Variants in ATPSCKMT observed in about 807,000 individuals in gnomAD.
The protein encoded by ATPSCKMT is ATP synthase subunit C lysine N-methyltransferase.
Under a neutral mutation model 24.3 loss-of-function variants are expected in ATPSCKMT, and 24 were observed. The ratio of observed to expected loss-of-function variants is 0.99; its 90% CI spans 0.71 to 1.39. The LOEUF is 1.39. Among genes scored for constraint, ATPSCKMT ranks in the 40% most tolerant of loss-of-function variants. The probability of loss-of-function intolerance (pLI) is 0.00; values close to 1 mark genes in which losing one functional copy is unlikely to be tolerated. For missense variants in ATPSCKMT, 311 were observed against 298.4 expected, an observed-to-expected ratio of 1.04 and a Z score of -0.31; for synonymous variants, 95 against 110.5, an observed-to-expected ratio of 0.86 and a Z score of 0.88.
At chr5:10,238,843 G>C (rs1744493112) in intron 2 of ATPSCKMT, among the ~76,000 whole-genome samples, 1 of 151,996 alleles carries the variant, frequency 6.6e-6, no homozygotes, top group Non-Finnish European at 1.5e-5. Context: ...TTTTTCACCT[G>C]GCATGTTTAC....
chr5:10,238,339 T>G (rs1443969577), intron 2 of ATPSCKMT, among the ~76,000 whole-genome samples: 1 of 152,234 alleles, frequency 6.6e-6, no homozygotes, highest in Non-Finnish European at 1.5e-5. Context: ...CTCGTGATTA[T>G]TCTAGCTCAG....
At chr5:10,245,336 C>T (rs771501320) in intron 1 of ATPSCKMT, among the ~76,000 whole-genome samples, 3 of 152,148 alleles carry the variant, frequency 2.0e-5, no homozygotes, top group Non-Finnish European at 4.4e-5. Context: ...AGGAGAATGG[C>T]GTGAACCTGG....
At chr5:10,229,440 CA>C (rs1579418108) in intron 4 of ATPSCKMT, among the ~76,000 whole-genome samples, 1 of 152,208 alleles carries the variant, frequency 6.6e-6, no homozygotes, top group East Asian at 1.9e-4. Context: ...CACAGACACC[CA>C]GGAGGCCCTT....
intron 4 of ATPSCKMT, among the ~76,000 whole-genome samples, chr5:10,233,539 A>C (rs1238869097): frequency 6.6e-6 from 1 of 151,840 alleles, no homozygotes; most frequent in Non-Finnish European, 1.5e-5. Flanking sequence ...TAATCACAAA[A>C]GTATTCATAA....
At chr5:10,235,167 A>T (rs1348722729) in intron 4 of ATPSCKMT, 44 bp downstream of exon 4, 2 of 1,601,986 alleles carry the variant, frequency 1.2e-6, no homozygotes, top group East Asian at 4.5e-5. Context: ...AGGGCCTTCA[A>T]CATCATCTAA....
At chr5:10,242,646 T>C (rs1402381231) in intron 1 of ATPSCKMT, among the ~76,000 whole-genome samples, 2 of 152,244 alleles carry the variant, frequency 1.3e-5, no homozygotes, top group Non-Finnish European at 2.9e-5. Context: ...GTGAATCCTT[T>C]CCTGAAGGTT....
At chr5:10,242,494 C>T (rs189580886) in intron 1 of ATPSCKMT, among the ~76,000 whole-genome samples, 3 of 152,304 alleles carry the variant, frequency 2.0e-5, no homozygotes, top group East Asian at 1.9e-4. Context: ...TTGCTATTTC[C>T]ACCACATCTG....
At chr5:10,231,880 C>T (rs761037105) in intron 4 of ATPSCKMT, among the ~76,000 whole-genome samples, 2 of 152,200 alleles carry the variant, frequency 1.3e-5, no homozygotes, top group African/African-American at 2.4e-5. Context: ...TTTTTCTTCA[C>T]TAGAACATAA....
chr5:10,245,271 T>G (rs919120371), intron 1 of ATPSCKMT, among the ~76,000 whole-genome samples: 1 of 151,506 alleles, frequency 6.6e-6, no homozygotes, highest in Admixed American at 6.6e-5. Context: ...ATCAAAAAAA[T>G]TAGCCGGGCA....
chr5:10,245,684 T>C (rs550811180), intron 1 of ATPSCKMT, among the ~76,000 whole-genome samples: 1 of 148,640 alleles, frequency 6.7e-6, no homozygotes, highest in Non-Finnish European at 1.5e-5. Flanking sequence ...CAAGTGGAGG[T>C]TGCAGTGAGC....
chr5:10,228,247 G>A (rs958751717), intron 4 of ATPSCKMT, among the ~76,000 whole-genome samples: 1 of 151,926 alleles, frequency 6.6e-6, no homozygotes, highest in Non-Finnish European at 1.5e-5. Flanking sequence ...CAATAGCAAT[G>A]GTGCATCCTA....
chr5:10,232,728 T>A (rs1744206285), intron 4 of ATPSCKMT, among the ~76,000 whole-genome samples: 1 of 152,032 alleles, frequency 6.6e-6, no homozygotes, highest in Non-Finnish European at 1.5e-5. Flanking sequence ...GGAGGGCTGG[T>A]GCAGAGAGCT....
chr5:10,238,805 C>A (rs1470300648), intron 2 of ATPSCKMT, among the ~76,000 whole-genome samples: 1 of 152,178 alleles, frequency 6.6e-6, no homozygotes, highest in Non-Finnish European at 1.5e-5. Context: ...TTTTAAGAGA[C>A]AATTTGATAA....
Position 10,239,354 on chromosome 5 carries a change from T to C in ATPSCKMT, c.19A>G (p.Ile7Val). MEGGGGIPLETLKEESQ... is the reference protein window; with the variant it reads MEGGGGVPLETLKEESQ... ...TCTTCTTTAAGTGTTTCTAGGGGTA[T>C]ACCTAGATTGAAAGCAAGCAGAAGA... The change falls in exon 2 of 5, where the codon ATA becomes GTA. Residue 7 changes from isoleucine to valine, a missense_variant and splice_region_variant. Physicochemically the swap from Ile to Val is conservative, Grantham distance 29. Transcript: ENST00000511437. 1 of 1,606,148 alleles carries C rather than the reference T, an allele frequency of 6.2e-7. No individual in the cohort carries two copies. The highest frequency in any genetic ancestry group is 8.5e-7 in the Non-Finnish European group (1 of 1,174,864).
rs539256249 is a variant in ATPSCKMT, at chr5:10,239,159, G to A, written c.214C>T (p.Pro72Ser). Reference sequence around the variant, plus strand: ...TTTTCAATCTGCTTCGTAGTTGCAGGTACAAACGGCAAACAGACTTTTCGA... The same window carrying A: ...TTTTCAATCTGCTTCGTAGTTGCAGATACAAACGGCAAACAGACTTTTCGA... ...ALRKVCLPFVPATTKQIENVV... is the reference protein window; with the variant it reads ...ALRKVCLPFVSATTKQIENVV... The change falls in exon 2 of 5, where the codon CCT becomes TCT. Residue 72 changes from proline (P) to serine (S), a missense_variant. Coordinates refer to ENST00000511437, the MANE Select transcript of ATPSCKMT (RefSeq NM_199133.4). 2.2e-5 allele frequency: 35 copies of A among 1,614,160 alleles called. No individual in the cohort carries two copies. The Admixed American group carries it at 2.5e-4, about 12-fold the overall frequency.
At chr5:10,229,797 C>T (rs1744039934) in intron 4 of ATPSCKMT, among the ~76,000 whole-genome samples, 1 of 152,204 alleles carries the variant, frequency 6.6e-6, no homozygotes, top group African/African-American at 2.4e-5. Flanking sequence ...GGTTATAATC[C>T]ATTACTGTCC....
chr5:10,227,500 TA>T lies in ATPSCKMT; in HGVS notation c.642del (p.Phe214LeufsTer32), dbSNP rs1375051390. 6.2e-7 allele frequency: 1 copy of T among 1,614,176 alleles called. No individual in the cohort carries two copies. Among genetic ancestry groups the T allele is most frequent in the African/African-American group, 1.3e-5 (1 of 75,034 alleles). On this transcript the variant is annotated frameshift_variant, in exon 5 of 5. Coordinates refer to ENST00000511437, the MANE Select transcript of ATPSCKMT (RefSeq NM_199133.4). LOFTEE classifies it low-confidence loss of function (END_TRUNC). ...DTVWAYDAST[F>X]RGREKRPCTS... ...GTACAGGGCCTCTTTTCACGGCCTC[TA>T]AAAGTGCTTGCATCATATGCCCACA...
chr5:10,233,225 C>G (rs1448771545), intron 4 of ATPSCKMT, among the ~76,000 whole-genome samples: 1 of 152,166 alleles, frequency 6.6e-6, no homozygotes, highest in African/African-American at 2.4e-5. Context: ...CCAGCCACGG[C>G]TGGGATGGTC....
intron 1 of ATPSCKMT, among the ~76,000 whole-genome samples, chr5:10,248,823 T>C (rs1238273852): frequency 1.3e-5 from 2 of 152,128 alleles, no homozygotes; most frequent in Admixed American, 1.3e-4. Flanking sequence ...CCCATGGCAG[T>C]AGGGGAGAAG....
Sources: gnomAD v4.1 joint callset for allele counts (sites outside exome capture counted in the v4.1 genomes callset) on GRCh38, gnomAD v4.1.1 for gene constraint, MANE v1.5 for transcripts, NCBI Gene and HGNC (gene_info 2026-07-23, HGNC 2026-07-21) for gene names.